Variants in ADAM22 observed in about 807,000 individuals in gnomAD.
The protein encoded by ADAM22 is disintegrin and metalloproteinase domain-containing protein 22.
In ADAM22, 65 loss-of-function variants were observed where a neutral mutation model predicts 144.6. That is an observed-to-expected ratio of 0.45 (90% CI 0.37 to 0.55). The LOEUF is 0.55. Among genes scored for constraint, ADAM22 ranks in the 20% least tolerant of loss-of-function variants. ADAM22 has a pLI of 0.00. For synonymous variants in ADAM22, 391 were observed against 412.6 expected, an observed-to-expected ratio of 0.95 and a Z score of 0.63; for missense variants, 974 against 1,184.9, an observed-to-expected ratio of 0.82 and a Z score of 2.61.
At chr7:88,154,964 T>C (rs1056210806) in intron 21 of ADAM22, among the ~76,000 whole-genome samples, 3 of 152,162 alleles carry the variant, frequency 2.0e-5, no homozygotes, top group Non-Finnish European at 4.4e-5. Flanking sequence ...TTGTTATCTC[T>C]ACTAATAATT....
At position 88,202,781 on chromosome 7, in the gene ADAM22, G is replaced by A. The variant is rs1851288142; in HGVS notation, c.*6290G>A. ...ACTTAAGGTTCAAATTTCTGGCACA[G>A]TTTTATTAGTATTCACTTCGGAAGC... On this transcript the variant is annotated 3_prime_UTR_variant, in exon 32 of 32. Transcript: ENST00000413139. The A allele has an allele frequency of 6.6e-6, 1 of 152,164 alleles. No individual in the cohort carries two copies. Among genetic ancestry groups the A allele is most frequent in the Non-Finnish European group, 1.5e-5 (1 of 68,016 alleles). The allele number at this position is 152,164 out of a possible 1,614,324, so 9.4% of individuals were successfully genotyped here. A position where few individuals can be genotyped will look rare whatever the true frequency, so the allele number is the denominator to read the frequency against.
At chr7:87,960,952 T>G (rs566073848) in intron 2 of ADAM22, among the ~76,000 whole-genome samples, 30 of 152,308 alleles carry the variant, frequency 2.0e-4, no homozygotes, top group African/African-American at 6.7e-4. Flanking sequence ...ATAAAAAAAA[T>G]TCTTTCTTCT....
At chr7:87,955,446 G>A (rs1048289608) in intron 2 of ADAM22, among the ~76,000 whole-genome samples, 16 of 152,176 alleles carry the variant, frequency 1.1e-4, no homozygotes, top group African/African-American at 2.9e-4. Flanking sequence ...CTGCAGAACC[G>A]CAGATTTTTG....
intron 2 of ADAM22, among the ~76,000 whole-genome samples, chr7:87,939,808 A>G (rs1435736915): frequency 6.6e-6 from 1 of 152,242 alleles, no homozygotes; most frequent in Non-Finnish European, 1.5e-5. Context: ...ACTCAAATTT[A>G]TATTTAACTA....
At chr7:88,177,563 T>G (rs756467571) in intron 26 of ADAM22, among the ~76,000 whole-genome samples, 6 of 152,182 alleles carry the variant, frequency 3.9e-5, no homozygotes, top group Non-Finnish European at 8.8e-5. Context: ...TCTACTTTCT[T>G]TAGTAAACAT....
At chr7:88,003,452 T>C (rs1046584105) in intron 3 of ADAM22, among the ~76,000 whole-genome samples, 4 of 152,254 alleles carry the variant, frequency 2.6e-5, no homozygotes, top group African/African-American at 9.6e-5. Flanking sequence ...AGGTATTCCC[T>C]GAAACTTATT....
At chr7:88,168,248 T>G (rs370561904) in intron 25 of ADAM22, 21 bp downstream of exon 25, 188 of 1,592,260 alleles carry the variant, frequency 1.2e-4, no homozygotes, top group Non-Finnish European at 1.5e-4. Flanking sequence ...TGTCTCAGTC[T>G]TGTTACTATT....
Position 88,153,340 on chromosome 7 carries a change from G to A in ADAM22, c.1787+14G>A, listed in dbSNP as rs373453891. Reference sequence around the variant, plus strand: ...GTGCAACAAACGGTGAGGTGGAGACGTCAGCCCAGAATTCATCCCTTGGTC... The same window carrying A: ...GTGCAACAAACGGTGAGGTGGAGACATCAGCCCAGAATTCATCCCTTGGTC... On this transcript the variant is annotated intron_variant, in intron 21 of 31. Coordinates refer to ENST00000413139, the MANE Select transcript of ADAM22 (RefSeq NM_001324418.2). 2.3e-5 allele frequency: 37 copies of A among 1,599,938 alleles called. 1 individual carries two copies. The highest frequency in any genetic ancestry group is 1.7e-4 in the Middle Eastern group (1 of 6,050).
chr7:88,038,691 G>T (rs892008395), intron 3 of ADAM22, among the ~76,000 whole-genome samples: 6 of 151,662 alleles, frequency 4.0e-5, no homozygotes, highest in Non-Finnish European at 7.4e-5. Flanking sequence ...CTGACCTCGT[G>T]ATCCGCCCGT....
chr7:88,158,784 T>TA (rs574738898), intron 22 of ADAM22, among the ~76,000 whole-genome samples: 20 of 152,218 alleles, frequency 1.3e-4, no homozygotes, highest in South Asian at 2.1e-4. Flanking sequence ...TTTATAGCCC[T>TA]AAATGCCCTC....
At chr7:87,950,907 T>C (rs1254436097) in intron 2 of ADAM22, among the ~76,000 whole-genome samples, 16 of 151,898 alleles carry the variant, frequency 1.1e-4, no homozygotes, top group Admixed American at 5.2e-4. Context: ...GAGCATTTTT[T>C]CATGTGTTTT....
intron 3 of ADAM22, among the ~76,000 whole-genome samples, chr7:88,042,884 C>T (rs1188912063): frequency 6.6e-6 from 1 of 150,684 alleles, no homozygotes; most frequent in African/African-American, 2.4e-5. Context: ...CTTCCTATTT[C>T]CTTGGCATAC....
chr7:87,995,065 G>C (rs1396077957), intron 3 of ADAM22, among the ~76,000 whole-genome samples: 3 of 152,098 alleles, frequency 2.0e-5, no homozygotes, highest in African/African-American at 7.2e-5. Flanking sequence ...TGATCCACTC[G>C]GCTCGGCCTC....
At chr7:88,143,516 C>T (rs563136814) in intron 15 of ADAM22, among the ~76,000 whole-genome samples, 50 of 152,282 alleles carry the variant, frequency 3.3e-4, no homozygotes, top group African/African-American at 1.1e-3. Context: ...ACCCTCATCA[C>T]TCCCTATCAC....
rs1159646036 is a variant in ADAM22, at chr7:88,198,148, T to G, written c.*1657T>G. 6.6e-6 allele frequency: 1 copy of G among 152,140 alleles called. No homozygotes were observed. Among genetic ancestry groups the G allele is most frequent in the African/African-American group, 2.4e-5 (1 of 41,412 alleles). 9.4% of individuals were successfully genotyped at this position (152,140 alleles called of 1,614,324 possible). A position where few individuals can be genotyped will look rare whatever the true frequency, so the allele number is the denominator to read the frequency against. On this transcript the variant is annotated 3_prime_UTR_variant, in exon 32 of 32. Transcript: ENST00000413139. ...TCTGCAGACAGGTTTTCAGATATAC[T>G]CTCTTAAATTTGATCCTCTCCCATA...
chr7:87,986,915 G>A (rs964370981), intron 3 of ADAM22, among the ~76,000 whole-genome samples: 2 of 151,932 alleles, frequency 1.3e-5, no homozygotes, highest in Non-Finnish European at 2.9e-5. Context: ...AGTTTTTCAA[G>A]GAAAATACCA....
chr7:88,140,208 C>T (rs1011041265), intron 14 of ADAM22, among the ~76,000 whole-genome samples: 16 of 152,114 alleles, frequency 1.1e-4, no homozygotes, highest in Admixed American at 9.8e-4. Flanking sequence ...TTAGACCCCA[C>T]TCTCAACATT....
At chr7:88,040,859 A>G (rs1802958812) in intron 3 of ADAM22, among the ~76,000 whole-genome samples, 1 of 151,998 alleles carries the variant, frequency 6.6e-6, no homozygotes, top group Non-Finnish European at 1.5e-5. Flanking sequence ...GGTTGTTGGC[A>G]GAATTCAGCA....
At position 88,171,551 on chromosome 7, in the gene ADAM22, C is replaced by A; in HGVS notation, c.2290C>A (p.Arg764=). The change falls in exon 26 of 32, where the codon CGA becomes AGA. Residue 764 remains arginine (R), a synonymous_variant. Coordinates refer to ENST00000413139, the MANE Select transcript of ADAM22 (RefSeq NM_001324418.2). ...CTTCTTGTCCATGAAAAGAAACTAT[C>A]GAGAACAGAGGTATGTAATACAAAT... The part of the protein sequence containing the change: ...GITAWGYKNY[R]EQRQLPQGDY... 1 of 1,591,470 alleles carries A rather than the reference C, an allele frequency of 6.3e-7. No homozygotes were observed. Among genetic ancestry groups the A allele is most frequent in the Non-Finnish European group, 8.5e-7 (1 of 1,171,430 alleles).
Sources: allele counts gnomAD v4.1 joint callset (sites outside exome capture counted in the v4.1 genomes callset), GRCh38; gene constraint gnomAD v4.1.1; transcripts MANE v1.5; gene names NCBI Gene and HGNC (gene_info 2026-07-23, HGNC 2026-07-21).